Variants in RIMS1 observed in about 807,000 individuals in gnomAD.
The protein encoded by RIMS1 is regulating synaptic membrane exocytosis 1.
RIMS1 carries 83 observed loss-of-function variants against 214.1 expected under a neutral mutation model. The observed-to-expected ratio is 0.39, with a 90% CI of 0.32 to 0.47. The LOEUF is 0.47. Among genes scored for constraint, RIMS1 ranks in the 20% least tolerant of loss-of-function variants. RIMS1 has a pLI of 0.99. For synonymous variants in RIMS1, 793 were observed against 786.8 expected, an observed-to-expected ratio of 1.01 and a Z score of -0.13; for missense variants, 2,050 against 2,161.8, an observed-to-expected ratio of 0.95 and a Z score of 1.03.
chr6:72,229,184 T>C (rs1312588306), intron 6 of RIMS1, among the ~76,000 whole-genome samples: 1 of 151,836 alleles, frequency 6.6e-6, no homozygotes, highest in African/African-American at 2.4e-5. Context: ...GACAAAAATC[T>C]GTATTACCTA....
intron 2 of RIMS1, among the ~76,000 whole-genome samples, chr6:72,021,029 A>G (rs1487140761): frequency 6.6e-6 from 1 of 152,214 alleles, no homozygotes; most frequent in Admixed American, 6.6e-5. Context: ...GTTGTAGTGA[A>G]TGTGATAGAA....
intron 6 of RIMS1, among the ~76,000 whole-genome samples, chr6:72,191,701 A>G (rs1489248598): frequency 6.6e-6 from 1 of 152,248 alleles, no homozygotes; most frequent in Non-Finnish European, 1.5e-5. Flanking sequence ...CAGTGGCCGC[A>G]TACCAAGTAC....
At chr6:71,968,772 G>C (rs556693966) in intron 1 of RIMS1, among the ~76,000 whole-genome samples, 5 of 152,166 alleles carry the variant, frequency 3.3e-5, no homozygotes, top group African/African-American at 1.2e-4. Context: ...ACAGAGGCTA[G>C]CACAGATTTT....
intron 1 of RIMS1, among the ~76,000 whole-genome samples, chr6:71,917,015 T>C (rs1248953724): frequency 6.6e-6 from 1 of 152,112 alleles, no homozygotes; most frequent in Non-Finnish European, 1.5e-5. Context: ...TATATTCCAG[T>C]GTTTGAAAAA....
At chr6:71,896,853 T>A (rs1051734890) in intron 1 of RIMS1, among the ~76,000 whole-genome samples, 1 of 152,148 alleles carries the variant, frequency 6.6e-6, no homozygotes, top group Non-Finnish European at 1.5e-5. Context: ...ATTCTCCATA[T>A]TCTCCCATTT....
chr6:72,265,431 G>A lies in RIMS1; in HGVS notation c.3236G>A (p.Arg1079Lys). 1 of 1,610,256 alleles carries A rather than the reference G, an allele frequency of 6.2e-7. No individual in the cohort carries two copies. The highest frequency in any genetic ancestry group is 8.5e-7 in the Non-Finnish European group (1 of 1,177,334). ...CATACTAAGACCAAATCAGTGACTA[G>A]ACAGGACATTTCCCTTCATCATGAA... ...PAHTKTKSVT[R>K]QDISLHHECF... Residue 1079 changes from arginine (R) to lysine (K), a missense_variant, in exon 21 of 34, where the codon AGA (arginine) becomes AAA (lysine). By Grantham distance (26) the Arg-to-Lys change is conservative. Around this residue, in one of 6 missense-constraint regions of RIMS1, gnomAD observed 889 missense variants for 885.5 expected, o/e 1.00. Coordinates refer to ENST00000521978, the MANE Select transcript of RIMS1 (RefSeq NM_014989.7).
chr6:72,159,855 A>G (rs1217299048), intron 4 of RIMS1, among the ~76,000 whole-genome samples: 1 of 139,940 alleles, frequency 7.1e-6, no homozygotes, highest in African/African-American at 2.5e-5. Context: ...TTGGCTAAGG[A>G]TTGACTTGGC....
chr6:71,996,731 T>C (rs1159031839), intron 2 of RIMS1, among the ~76,000 whole-genome samples: 1 of 152,100 alleles, frequency 6.6e-6, no homozygotes, highest in East Asian at 1.9e-4. Flanking sequence ...ACAACCTCTG[T>C]GTAGATAGAG....
At chr6:72,303,512 A>G (rs183567293) in intron 26 of RIMS1, among the ~76,000 whole-genome samples, 6 of 151,282 alleles carry the variant, frequency 4.0e-5, no homozygotes, top group African/African-American at 1.4e-4. Context: ...TGTAAATTAT[A>G]TTTATTTTTC....
chr6:72,001,628 G>A (rs1258298306), intron 2 of RIMS1, among the ~76,000 whole-genome samples: 3 of 152,122 alleles, frequency 2.0e-5, no homozygotes, highest in African/African-American at 7.2e-5. Context: ...ATGGGGGAAA[G>A]GCAAGCATTT....
chr6:72,220,905 G>A (rs1286415736), intron 6 of RIMS1, among the ~76,000 whole-genome samples: 7 of 151,974 alleles, frequency 4.6e-5, no homozygotes, highest in African/African-American at 1.2e-4. Context: ...TCTATGTAAG[G>A]TTTGTTATTA....
chr6:72,038,483 A>G (rs1820557351), intron 2 of RIMS1, among the ~76,000 whole-genome samples: 1 of 152,088 alleles, frequency 6.6e-6, no homozygotes, highest in African/African-American at 2.4e-5. Context: ...TAGGGCTTAA[A>G]CACCTTAAAT....
At chr6:72,291,042 GT>G (rs2093316588) in intron 25 of RIMS1, among the ~76,000 whole-genome samples, 181 bp downstream of exon 25, 5 of 152,054 alleles carry the variant, frequency 3.3e-5, no homozygotes, top group Admixed American at 3.3e-4. Flanking sequence ...CACTGTGCTG[GT>G]GGTATACTAT....
chr6:72,380,371 A>C (rs1246075929), intron 29 of RIMS1, among the ~76,000 whole-genome samples: 1 of 152,194 alleles, frequency 6.6e-6, no homozygotes, highest in Admixed American at 6.5e-5. Flanking sequence ...TGTTGTGTAC[A>C]TGTACCCTAG....
At chr6:72,251,498 A>G (rs1233679835) in intron 15 of RIMS1, 130 bp downstream of exon 15, 2 of 770,208 alleles carry the variant, frequency 2.6e-6, no homozygotes, top group Non-Finnish European at 3.9e-6. Context: ...GTTCATCTTT[A>G]TGAAGCAACT....
intron 22 of RIMS1, among the ~76,000 whole-genome samples, chr6:72,270,719 A>G (rs1245245862): frequency 6.6e-6 from 1 of 152,156 alleles, no homozygotes; most frequent in Admixed American, 6.6e-5. Context: ...CTGCTTTACA[A>G]GTTTGTTTGT....
chr6:72,128,704 T>A (rs1438141419), intron 4 of RIMS1, among the ~76,000 whole-genome samples: 1 of 152,234 alleles, frequency 6.6e-6, no homozygotes, highest in African/African-American at 2.4e-5. Context: ...CTGATTTGAA[T>A]GTGACTTTAA....
chr6:72,007,146 C>T (rs1808061993), intron 2 of RIMS1, among the ~76,000 whole-genome samples: 1 of 152,174 alleles, frequency 6.6e-6, no homozygotes, highest in South Asian at 2.1e-4. Flanking sequence ...AACGATCACG[C>T]AGCAACATTT....
intron 2 of RIMS1, among the ~76,000 whole-genome samples, chr6:72,019,673 A>T (rs1010172496): frequency 6.6e-6 from 1 of 152,190 alleles, no homozygotes; most frequent in Non-Finnish European, 1.5e-5. Flanking sequence ...GACTAAAGGA[A>T]CTAGGAAATT....
Sources: gnomAD v4.1 joint callset for allele counts (sites outside exome capture counted in the v4.1 genomes callset) on GRCh38, gnomAD v4.1.1 for gene constraint, gnomAD v4.1.1 regional missense constraint, MANE v1.5 for transcripts, NCBI Gene and HGNC (gene_info 2026-07-23, HGNC 2026-07-21) for gene names.